The following FGF13 variants were observed in gnomAD, a reference collection of about 807,000 sequenced individuals.
The protein encoded by FGF13 is fibroblast growth factor 13, also known as fibroblast growth factor homologous factor 2.
Under a neutral mutation model 19.5 loss-of-function variants are expected in FGF13, and 2 were observed. The ratio of observed to expected loss-of-function variants is 0.10; its 90% CI spans 0.04 to 0.32. The LOEUF is 0.32. Ranked by LOEUF, FGF13 falls within the 10% of genes least tolerant of loss-of-function variation. FGF13 has a pLI of 1.00. For missense variants in FGF13, 113 were observed against 192.7 expected (o/e 0.59, Z 2.45); for synonymous variants, 72 against 76.9 (o/e 0.94, Z 0.33).
chrX:139,014,143 T>A (rs2092143113), intron 1 of FGF13, among the ~76,000 whole-genome samples: 1 of 111,283 alleles, frequency 9.0e-6, no homozygotes, highest in African/African-American at 3.3e-5. Flanking sequence ...TATAAGTGCC[T>A]ACATCAAAAA....
At chrX:138,830,730 T>TGTGTGTGTG (rs1569406299) in intron 3 of FGF13, among the ~76,000 whole-genome samples, 9 of 99,068 alleles carry the variant, frequency 9.1e-5, no homozygotes, top group Non-Finnish European at 1.5e-4. Context: ...TGTGTGTGTG[T>TGTGTGTGTG]TTTAAGCTAT....
At chrX:138,961,078 A>G (rs2091867333) in intron 1 of FGF13, among the ~76,000 whole-genome samples, 1 of 110,943 alleles carries the variant, frequency 9.0e-6, no homozygotes, top group African/African-American at 3.3e-5. Flanking sequence ...AATCCTTTGG[A>G]TGAGAAGAGG....
At chrX:139,009,432 T>G (rs1490993614) in intron 1 of FGF13, among the ~76,000 whole-genome samples, 1 of 111,816 alleles carries the variant, frequency 8.9e-6, no homozygotes, top group Non-Finnish European at 1.9e-5. Flanking sequence ...GAAGAAAAAC[T>G]TATCAGATGA....
intron 3 of FGF13, among the ~76,000 whole-genome samples, chrX:138,669,109 T>C (rs904636540): frequency 9.0e-6 from 1 of 110,539 alleles, no homozygotes; most frequent in Non-Finnish European, 1.9e-5. Context: ...AGGAGGGACT[T>C]TTTAGGATGA....
intron 1 of FGF13, among the ~76,000 whole-genome samples, chrX:139,063,296 A>G (rs2092342115): frequency 8.9e-6 from 1 of 111,814 alleles, no homozygotes; most frequent in Admixed American, 9.5e-5. Flanking sequence ...GTTGAACTCT[A>G]TGTTAGTCTG....
intron 1 of FGF13, among the ~76,000 whole-genome samples, chrX:138,886,935 T>C (rs189968504): frequency 9.0e-6 from 1 of 111,163 alleles, no homozygotes; most frequent in East Asian, 2.8e-4. Context: ...TGACTGGGAG[T>C]CCTGCCAGGA....
At chrX:139,058,550 T>C (rs2092326625) in intron 1 of FGF13, among the ~76,000 whole-genome samples, 1 of 111,559 alleles carries the variant, frequency 9.0e-6, no homozygotes, top group South Asian at 3.8e-4. Context: ...GAGGACCAGG[T>C]CCAATTTTCT....
chrX:138,974,163 G>A (rs1021546928), intron 1 of FGF13, among the ~76,000 whole-genome samples: 2 of 111,969 alleles, frequency 1.8e-5, no homozygotes, highest in Non-Finnish European at 3.8e-5. Flanking sequence ...TACCCAGTCT[G>A]CAGCATTCTG....
At chrX:139,177,996 G>T (rs948568484) in intron 1 of FGF13, among the ~76,000 whole-genome samples, 2 of 112,152 alleles carry the variant, frequency 1.8e-5, no homozygotes, top group African/African-American at 6.5e-5. Context: ...CTTCCCAGGT[G>T]AGGTGACGTC....
At chrX:138,653,492 A>G (rs2089400069) in intron 3 of FGF13, among the ~76,000 whole-genome samples, 1 of 112,033 alleles carries the variant, frequency 8.9e-6, no homozygotes, top group African/African-American at 3.2e-5. Context: ...ATTAAATTAT[A>G]AATTACACTT....
intron 1 of FGF13, among the ~76,000 whole-genome samples, chrX:138,903,048 G>A (rs1211776369): frequency 9.0e-6 from 1 of 111,473 alleles, no homozygotes; most frequent in African/African-American, 3.3e-5. Context: ...CATCATCAAA[G>A]GACAAGCTTA....
chrX:138,738,972 G>A (rs1490435541), intron 1 of FGF13, among the ~76,000 whole-genome samples: 1 of 109,941 alleles, frequency 9.1e-6, no homozygotes, highest in African/African-American at 3.3e-5. Flanking sequence ...GTTTTAAATG[G>A]TCAGAAATAC....
chrX:138,947,014 C>A (rs781664892), intron 1 of FGF13, among the ~76,000 whole-genome samples: 63 of 112,116 alleles, frequency 5.6e-4, no homozygotes, highest in Non-Finnish European at 9.6e-4. Flanking sequence ...CAGGACAAAT[C>A]TAAACTACTT....
chrX:139,071,745 C>G (rs765820810), intron 1 of FGF13, among the ~76,000 whole-genome samples: 1 of 110,374 alleles, frequency 9.1e-6, no homozygotes, highest in African/African-American at 3.3e-5. Context: ...TGGCTGGATG[C>G]GGTGGCTCAC....
At chrX:138,899,368 T>G (rs2091520252) in intron 1 of FGF13, among the ~76,000 whole-genome samples, 2 of 111,352 alleles carry the variant, frequency 1.8e-5, no homozygotes, top group Admixed American at 9.6e-5. Context: ...ATGTGCAGCA[T>G]AGCACCCTGT....
chrX:138,918,594 A>T (rs2091629838), intron 1 of FGF13, among the ~76,000 whole-genome samples: 1 of 111,812 alleles, frequency 8.9e-6, no homozygotes, highest in South Asian at 3.7e-4. Context: ...TATCCATCAG[A>T]CACTGCACTG....
intron 3 of FGF13, among the ~76,000 whole-genome samples, chrX:138,792,999 G>T (rs1473337352): frequency 1.8e-5 from 2 of 111,662 alleles, no homozygotes; most frequent in Non-Finnish European, 3.8e-5. Flanking sequence ...AAAAACAGCA[G>T]TTTCTTTATA....
intron 1 of FGF13, among the ~76,000 whole-genome samples, chrX:138,915,547 G>C (rs1457912113): frequency 9.0e-6 from 1 of 111,390 alleles, no homozygotes; most frequent in Non-Finnish European, 1.9e-5. Flanking sequence ...GACTCAAATG[G>C]GGAATGAAGG....
chrX:139,058,676 A>G (rs1017507700), intron 1 of FGF13, among the ~76,000 whole-genome samples: 3 of 112,407 alleles, frequency 2.7e-5, no homozygotes, highest in Non-Finnish European at 5.6e-5. Flanking sequence ...TCTGTAAATC[A>G]ATAATTGCAT....
Sources: gnomAD v4.1 joint callset for allele counts (sites outside exome capture counted in the v4.1 genomes callset) on GRCh38, gnomAD v4.1.1 for gene constraint, MANE v1.5 for transcripts, NCBI Gene and HGNC (gene_info 2026-07-23, HGNC 2026-07-21) for gene names.